KIF15: variants seen among roughly 807,000 people sequenced by gnomAD.
KIF15 encodes the protein kinesin-like protein KIF15.
In KIF15, 140 loss-of-function variants were observed where a neutral mutation model predicts 190.6. The ratio of observed to expected loss-of-function variants is 0.73; its 90% CI spans 0.64 to 0.84. The LOEUF (loss-of-function observed/expected upper bound fraction) is 0.84. Among genes scored for constraint, KIF15 ranks in the 40% least tolerant of loss-of-function variants. The pLI, the probability that KIF15 is intolerant of heterozygous loss-of-function variation, is 0.00. For synonymous variants in KIF15, 528 were observed against 551.3 expected, an observed-to-expected ratio of 0.96 and a Z score of 0.59; for missense variants, 1,372 against 1,584.4, an observed-to-expected ratio of 0.87 and a Z score of 2.28.
rs201190695 is a variant in KIF15, at chr3:44,831,021, A to G, written c.3171+3A>G. ...GAATACTTTCTGAGGACATAGAGGT[A>G]GGTATTAACGCATCACAGCTTCTTT... On this transcript the variant is annotated splice_donor_region_variant and intron_variant, in intron 26 of 34. Transcript: ENST00000326047. 1.1e-5 allele frequency: 18 copies of G among 1,613,438 alleles called. No individual in the cohort carries two copies. In the African/African-American group the frequency reaches 1.2e-4, roughly 11 times the overall value.
At chr3:44,819,126 TTC>T (rs1323914920) in intron 20 of KIF15, among the ~76,000 whole-genome samples, 1 of 146,684 alleles carries the variant, frequency 6.8e-6, no homozygotes, top group Admixed American at 6.6e-5. Context: ...TATTTGATTC[TTC>T]TCTCTTTTCT....
At chr3:44,863,309 C>CA (rs981572637) in intron 6 of KIF15, 4 of 115,032 alleles carry the variant, frequency 3.5e-5, no homozygotes, top group Non-Finnish European at 6.1e-5. Context: ...CACCCCCCCC[C>CA]CCCGCCGCCT....
intron 23 of KIF15, 101 bp downstream of exon 23, chr3:44,827,629 A>C: frequency 1.6e-6 from 1 of 616,642 alleles, no homozygotes; most frequent in East Asian, 3.1e-5. Flanking sequence ...CAGATGTTGG[A>C]AATTAGTAAG....
downstream of KIF15, among the ~76,000 whole-genome samples, chr3:44,856,158 C>T (rs963949514): frequency 1.3e-5 from 2 of 152,140 alleles, no homozygotes; most frequent in Admixed American, 1.3e-4. Flanking sequence ...ACTGTGATGG[C>T]CTTCTCAGAC....
Position 44,840,386 on chromosome 3 carries a change from A to C in KIF15, c.3350A>C (p.Lys1117Thr). ...CAAAAGAAAGAGGAAGTAGAACAGA[A>C]GAAGAATGAATATAACTTCAAAATG... is the stretch of plus-strand genomic sequence containing the variant. ...LNQKKEEVEQ[K>T]KNEYNFKMRQ... is the part of the protein sequence containing the mutation. Residue 1117 changes from lysine to threonine, a missense_variant, in exon 28 of 35, where the codon AAG becomes ACG. Physicochemically the swap from Lys to Thr is moderately conservative, Grantham distance 78. Transcript: ENST00000326047. The C allele has an allele frequency of 6.2e-7, 1 of 1,610,824 alleles. No individual in the cohort carries two copies. Among genetic ancestry groups the C allele is most frequent in the Non-Finnish European group, 8.5e-7 (1 of 1,178,606 alleles).
chr3:44,826,089 ATGAC>A lies in KIF15; in HGVS notation c.2601_2604del (p.Tyr867Ter). On this transcript the variant is annotated frameshift_variant, in exon 21 of 35. Coordinates refer to ENST00000326047, the MANE Select transcript of KIF15 (RefSeq NM_020242.3). LOFTEE classifies it high-confidence loss of function. Reference sequence around the variant, plus strand: ...AGCAAAGCCTGCCTACAGGATTCCTATGACAACTTACAAGAAATAATGAAATTTG... The same window carrying A: ...AGCAAAGCCTGCCTACAGGATTCCTAAACTTACAAGAAATAATGAAATTTG... 1 of 1,591,864 alleles carries A rather than the reference ATGAC, an allele frequency of 6.3e-7. No homozygotes were observed. The highest frequency in any genetic ancestry group is 8.5e-7 in the Non-Finnish European group (1 of 1,174,898).
intron 6 of KIF15, among the ~76,000 whole-genome samples, chr3:44,866,638 G>A (rs939490242): frequency 3.3e-5 from 5 of 152,128 alleles, no homozygotes; most frequent in African/African-American, 4.8e-5. Flanking sequence ...CCTCCTCCTC[G>A]CCCATGTAGC....
intron 19 of KIF15, among the ~76,000 whole-genome samples, 175 bp from the exon 20 acceptor site, chr3:44,814,736 G>A (rs1707949787): frequency 6.6e-6 from 1 of 152,166 alleles, no homozygotes; most frequent in Admixed American, 6.5e-5. Context: ...ATGTGCAAGG[G>A]AGAGGAAGAA....
chr3:44,809,192 A>G (rs1707668475), intron 16 of KIF15, among the ~76,000 whole-genome samples: 1 of 152,172 alleles, frequency 6.6e-6, no homozygotes, highest in South Asian at 2.1e-4. Flanking sequence ...CTTGTTGTTA[A>G]GGTTTTAATT....
At position 44,847,942 on chromosome 3, in the gene KIF15, A is replaced by C. The variant is rs779373761; in HGVS notation, c.3696-43A>C. On this transcript the variant is annotated intron_variant, in intron 30 of 34. Transcript: ENST00000326047. ...AAATTGATACTTGAATATACTTAGCAGTGTTTTCCTATGCCTCCTCCCACC... is the reference window on the plus strand; with the variant it reads ...AAATTGATACTTGAATATACTTAGCCGTGTTTTCCTATGCCTCCTCCCACC... 46 of 1,315,678 alleles carry C rather than the reference A, an allele frequency of 3.5e-5. 1 individual carries two copies. The South Asian group carries it at 5.7e-4, about 16-fold the overall frequency. 81.5% of individuals were successfully genotyped at this position (1,315,678 alleles called of 1,614,324 possible).
chr3:44,825,172 A>C (rs1697574025), intron 20 of KIF15, among the ~76,000 whole-genome samples: 1 of 152,160 alleles, frequency 6.6e-6, no homozygotes, highest in Admixed American at 6.5e-5. Context: ...AATGGTTGTT[A>C]AGTCCTGTGA....
intron 28 of KIF15, 115 bp from the exon 29 acceptor site, chr3:44,840,959 C>T: frequency 1.0e-6 from 1 of 1,002,112 alleles, no homozygotes; most frequent in Non-Finnish European, 1.5e-6. Context: ...CAGGTGTGAG[C>T]CACCATGCCC....
In KIF15 at chr3:44,767,475, C is replaced by T. The variant is rs1209352367; in HGVS notation, c.19+5591C>T. Among the ~76,000 whole-genome samples, 8 of 152,280 alleles carry T rather than the reference C, an allele frequency of 5.3e-5. No individual in the cohort carries two copies. In the East Asian group the frequency reaches 1.4e-3, roughly 26 times the overall value. ...TAAGCAACTGGAAAGATGGAGTTAA[C>T]GGAGATGTAGAAACACATTTGGGCT... On this transcript the variant is annotated intron_variant, in intron 1 of 34. Coordinates refer to ENST00000326047, the MANE Select transcript of KIF15 (RefSeq NM_020242.3).
intron 28 of KIF15, 100 bp downstream of exon 28, chr3:44,840,556 A>G: frequency 1.4e-6 from 1 of 740,466 alleles, no homozygotes; most frequent in Non-Finnish European, 2.2e-6. Flanking sequence ...TTTTAAAGAA[A>G]AAGATTTTCA....
rs200463557 is a variant in KIF15 at position 44,805,986 on chromosome 3, G to A, written c.1971G>A (p.Lys657=). 5 of 1,613,240 alleles carry A rather than the reference G, an allele frequency of 3.1e-6. No homozygotes were observed. The Admixed American group carries it at 8.4e-5, about 27-fold the overall frequency. ...ATAAAATTCATGCTGAAACACTTAA[G>A]GTAGGTCATCTGAACAATACCTCCA... The part of the protein sequence containing the change: ...QLNKIHAETL[K]IITTPTKAYQ... Residue 657 remains lysine, a splice_region_variant and synonymous_variant, in exon 16 of 35, where the codon AAG becomes AAA. Coordinates refer to ENST00000326047, the MANE Select transcript of KIF15 (RefSeq NM_020242.3).
chr3:44,860,007 C>T (rs538090448), intron 6 of KIF15, among the ~76,000 whole-genome samples: 7 of 152,188 alleles, frequency 4.6e-5, no homozygotes, highest in African/African-American at 9.6e-5. Context: ...AGATTAACAA[C>T]GATGTAGTCC....
chr3:44,816,875 A>G (rs139401374), intron 20 of KIF15, among the ~76,000 whole-genome samples: 1 of 152,266 alleles, frequency 6.6e-6, no homozygotes, highest in Non-Finnish European at 1.5e-5. Context: ...AAGTGTTCCT[A>G]TTTCTCCACA....
At chr3:44,833,445 C>T (rs1575667793) in intron 26 of KIF15, among the ~76,000 whole-genome samples, 1 of 151,842 alleles carries the variant, frequency 6.6e-6, no homozygotes, top group Middle Eastern at 3.4e-3. Flanking sequence ...ACTAGATGGT[C>T]CTATCCAGGG....
intron 7 of KIF15, among the ~76,000 whole-genome samples, chr3:44,789,891 A>G (rs189314844): frequency 8.0e-4 from 122 of 151,934 alleles, no homozygotes; most frequent in African/African-American, 2.8e-3. Context: ...AGAACCCAAC[A>G]CACTTCTAAT....
Sources: gnomAD v4.1 joint callset for allele counts (sites outside exome capture counted in the v4.1 genomes callset) on GRCh38, gnomAD v4.1.1 for gene constraint, MANE v1.5 for transcripts, NCBI Gene and HGNC (gene_info 2026-07-23, HGNC 2026-07-21) for gene names.